The following ZDHHC11 variants were observed in gnomAD, a reference collection of about 807,000 sequenced individuals.
ZDHHC11 encodes the protein palmitoyltransferase ZDHHC11.
In ZDHHC11, 44 loss-of-function variants were observed where a neutral mutation model predicts 51.3. That is an observed-to-expected ratio of 0.86 (90% CI 0.67 to 1.10). The LOEUF is 1.10. ZDHHC11 is among the 50% of genes least tolerant of loss of function. The pLI is 0.00. For missense variants in ZDHHC11, 400 were observed against 537.7 expected, an observed-to-expected ratio of 0.74 and a Z score of 2.53; for synonymous variants, 163 against 222.0, an observed-to-expected ratio of 0.73 and a Z score of 2.36.
At chr5:818,052 T>C (rs1348597998) in intron 10 of ZDHHC11, among the ~76,000 whole-genome samples, 5 of 151,334 alleles carry the variant, frequency 3.3e-5, no homozygotes, top group African/African-American at 9.7e-5. Context: ...TTTCATAGGA[T>C]TGTCCTGGAG....
In ZDHHC11 at chr5:841,711, T is replaced by A. The variant is rs147684680; in HGVS notation, c.629-1061A>T. The A allele has an allele frequency of 6.2e-5, 62 of 992,892 alleles. No individual in the cohort carries two copies. The African/African-American group carries it at 8.4e-4, about 13-fold the overall frequency. The allele number at this position is 992,892 out of a possible 1,614,324, so 61.5% of individuals were successfully genotyped here. On this transcript the variant is annotated intron_variant, in intron 4 of 12. Transcript: ENST00000283441. ...GGGTCATTTCTAAGATATGGTCCTC[T>A]GTGACACTGGGCTGCCAACACTCAA... is the stretch of plus-strand genomic sequence containing the variant.
rs550641941 is a variant in ZDHHC11, at chr5:829,679, A to G, written c.935+4094T>C. ...CTTAATACCCAAACCATGAAAGGAC[A>G]TAGCAAAAAGAGAAAACTACAGACT... On this transcript the variant is annotated intron_variant, in intron 7 of 12. Coordinates refer to ENST00000283441, the MANE Select transcript of ZDHHC11 (RefSeq NM_024786.3). Among the ~76,000 whole-genome samples the G allele has an allele frequency of 4.0e-5, 6 of 151,604 alleles. No homozygotes were observed. In the South Asian group the frequency reaches 1.0e-3, roughly 26 times the overall value.
upstream of ZDHHC11, among the ~76,000 whole-genome samples, chr5:851,312 C>T (rs1157379894): frequency 6.9e-6 from 1 of 144,120 alleles, no homozygotes; most frequent in African/African-American, 2.5e-5. Flanking sequence ...GAACACGCTG[C>T]GGCTGCTCCT....
At position 819,702 on chromosome 5, in the gene ZDHHC11, C is replaced by T; in HGVS notation, c.1059-90G>A. On this transcript the variant is annotated intron_variant, in intron 9 of 12. Transcript: ENST00000283441. ...GAGGCTACAGTGTGTCCTGTAAGCA[C>T]CACTGCAGTGGGGCCCATGTGTCTC... is the stretch of plus-strand genomic sequence containing the variant. 2.2e-6 allele frequency: 3 copies of T among 1,354,522 alleles called. 1 individual carries two copies. The highest frequency in any genetic ancestry group is 1.8e-5 in the Admixed American group (1 of 55,688). The allele number at this position is 1,354,522 out of a possible 1,614,324, so 83.9% of individuals were successfully genotyped here.
At chr5:838,875 T>C (rs1324265932) in intron 5 of ZDHHC11, among the ~76,000 whole-genome samples, 3 of 149,338 alleles carry the variant, frequency 2.0e-5, no homozygotes, top group Admixed American at 6.6e-5. Flanking sequence ...ACAGTGGGCA[T>C]TGACTATTTT....
chr5:821,830 T>A, intron 9 of ZDHHC11, 31 bp downstream of exon 9: 1 of 1,576,902 alleles, frequency 6.3e-7, no homozygotes, highest in Non-Finnish European at 8.7e-7. Context: ...TACTAATAGA[T>A]AAAATAATCC....
intron 11 of ZDHHC11, among the ~76,000 whole-genome samples, chr5:802,341 T>C (rs1738543498): frequency 6.6e-6 from 1 of 151,230 alleles, no homozygotes; most frequent in Admixed American, 6.6e-5. Flanking sequence ...AACTGGGGTA[T>C]CACCAAACGA....
chr5:824,053 G>A (rs1418039445), intron 8 of ZDHHC11: 1 of 454,846 alleles, frequency 2.2e-6, no homozygotes, highest in Non-Finnish European at 4.4e-6. Flanking sequence ...AGTCACAGGA[G>A]CCTGTTCCCT....
chr5:824,808 C>T (rs1213567669), intron 8 of ZDHHC11, among the ~76,000 whole-genome samples: 4 of 151,200 alleles, frequency 2.6e-5, no homozygotes, highest in Non-Finnish European at 4.4e-5. Flanking sequence ...TCTGCCATGG[C>T]TACCAATTTC....
At chr5:853,866 G>T (rs1747704672), upstream of ZDHHC11, among the ~76,000 whole-genome samples, 1 of 149,846 alleles carries the variant, frequency 6.7e-6, no homozygotes, top group Admixed American at 6.6e-5. Context: ...GTGAGCAGCG[G>T]GGACAGACCC....
chr5:799,818 T>C (rs1397673505), intron 12 of ZDHHC11, among the ~76,000 whole-genome samples: 1 of 151,672 alleles, frequency 6.6e-6, no homozygotes, highest in East Asian at 1.9e-4. Context: ...AGATTTTAAT[T>C]TTGCAACTTC....
intron 11 of ZDHHC11, among the ~76,000 whole-genome samples, chr5:803,921 T>A (rs571025860): frequency 4.0e-5 from 6 of 149,252 alleles, no homozygotes; most frequent in African/African-American, 1.5e-4. Context: ...TCAGCTAAGT[T>A]GAAGACAATC....
chr5:853,144 G>C (rs1437615844), upstream of ZDHHC11, among the ~76,000 whole-genome samples: 1 of 150,168 alleles, frequency 6.7e-6, no homozygotes, highest in Non-Finnish European at 1.5e-5. Context: ...AGACCCCACG[G>C]AGGACAGCGA....
chr5:816,375 G>A (rs763309840), intron 10 of ZDHHC11: 13 of 392,410 alleles, frequency 3.3e-5, no homozygotes, highest in Non-Finnish European at 6.5e-5. Context: ...GGGCGGGAGG[G>A]GGGCGGTAGC....
intron 11 of ZDHHC11, among the ~76,000 whole-genome samples, chr5:807,878 C>A (rs1420950008): frequency 2.0e-5 from 3 of 150,778 alleles, no homozygotes; most frequent in Non-Finnish European, 2.9e-5. Flanking sequence ...GCTTTGCATT[C>A]CTGTGAAGAG....
intron 5 of ZDHHC11, among the ~76,000 whole-genome samples, chr5:838,241 G>C (rs1327958704): frequency 6.6e-6 from 1 of 151,970 alleles, no homozygotes; most frequent in African/African-American, 2.4e-5. Flanking sequence ...GCCCAGGGAA[G>C]CAAAGCAAAA....
upstream of ZDHHC11, among the ~76,000 whole-genome samples, chr5:852,261 G>A (rs919620627): frequency 2.0e-5 from 3 of 152,188 alleles, no homozygotes; most frequent in African/African-American, 7.2e-5. Context: ...ATCTTAGAGA[G>A]GAGAAGAGGG....
chr5:829,341 A>G (rs1379570130), intron 7 of ZDHHC11, among the ~76,000 whole-genome samples: 1 of 151,916 alleles, frequency 6.6e-6, no homozygotes, highest in Non-Finnish European at 1.5e-5. Context: ...CCACAGGAAT[A>G]CAAAAGATCA....
chr5:801,650 A>T (rs1447009721), intron 11 of ZDHHC11, among the ~76,000 whole-genome samples: 1 of 151,212 alleles, frequency 6.6e-6, no homozygotes, highest in Non-Finnish European at 1.5e-5. Flanking sequence ...CAGCCAGCTA[A>T]TGACTTGATT....
Sources: gnomAD v4.1 joint callset for allele counts (sites outside exome capture counted in the v4.1 genomes callset) on GRCh38, gnomAD v4.1.1 for gene constraint, MANE v1.5 for transcripts, NCBI Gene and HGNC (gene_info 2026-07-23, HGNC 2026-07-21) for gene names.